Variants in TRMT11 observed in about 807,000 individuals in gnomAD.
TRMT11 encodes the protein tRNA (guanine(10)-N(2))-methyltransferase TRMT11.
Under a neutral mutation model 62.8 loss-of-function variants are expected in TRMT11, and 53 were observed. That is an observed-to-expected ratio of 0.84 (90% confidence interval 0.68 to 1.06). The LOEUF (loss-of-function observed/expected upper bound fraction) is 1.06. Ranked by LOEUF, TRMT11 falls within the 50% of genes least tolerant of loss-of-function variation. The pLI is 0.00. For missense variants in TRMT11, 556 were observed against 553.4 expected (o/e 1.00, Z -0.05); for synonymous variants, 188 against 190.3 (o/e 0.99, Z 0.10).
In TRMT11 at chr6:126,021,173, A is replaced by G; in HGVS notation, c.1153A>G (p.Met385Val). Residue 385 changes from methionine to valine, a missense_variant, in exon 12 of 13, where the codon ATG becomes GTG. Physicochemically the swap from Met to Val is conservative, Grantham distance 21. Coordinates refer to ENST00000334379, the MANE Select transcript of TRMT11 (RefSeq NM_001031712.3). ...PVYTPEYTEE[M>V]VPWHPCLELV... ...TTCTTTCTTCAGATACACTGAAGAG[A>G]TGGTGCCTTGGCACCCTTGCCTGGA... The G allele has an allele frequency of 6.2e-7, 1 of 1,614,126 alleles. No individual in the cohort carries two copies. Among genetic ancestry groups the G allele is most frequent in the South Asian group, 1.1e-5 (1 of 91,088 alleles).
intron 21 of TRMT11, among the ~76,000 whole-genome samples, chr6:126,151,834 C>CT (rs1281033187): frequency 8.3e-6 from 1 of 121,160 alleles, no homozygotes. Flanking sequence ...TTCTTTCTTT[C>CT]TTTCTTTCTT....
downstream of TRMT11, among the ~76,000 whole-genome samples, chr6:126,204,509 C>T (rs879783125): frequency 9.9e-5 from 15 of 152,182 alleles, no homozygotes; most frequent in Non-Finnish European, 2.2e-4. Context: ...CTGACAAGTC[C>T]GCTTAGCTCT....
chr6:126,270,674 A>C, the TRMT11 span, among the ~76,000 whole-genome samples: 4 of 152,184 alleles, frequency 2.6e-5, no homozygotes, highest in Non-Finnish European at 5.9e-5. Flanking sequence ...AAAGAATAAT[A>C]AAATACATTT....
chr6:126,151,524 C>A (rs1287800629), intron 21 of TRMT11, among the ~76,000 whole-genome samples: 1 of 152,126 alleles, frequency 6.6e-6, no homozygotes, highest in African/African-American at 2.4e-5. Context: ...TATAACCTTA[C>A]ACTTAGAGCT....
intron 17 of TRMT11, among the ~76,000 whole-genome samples, chr6:126,072,733 A>G (rs1334152817): frequency 2.0e-5 from 3 of 152,134 alleles, no homozygotes; most frequent in Admixed American, 1.3e-4. Context: ...TATGGTGACA[A>G]CCTTCTTCCT....
intron 21 of TRMT11, among the ~76,000 whole-genome samples, chr6:126,134,539 CA>C (rs1343720146): frequency 1.3e-5 from 2 of 151,770 alleles, no homozygotes; most frequent in African/African-American, 4.8e-5. Flanking sequence ...GATTACAATA[CA>C]ATAGAAGTAG....
chr6:126,017,861 C>T (rs1165422031), intron 11 of TRMT11, among the ~76,000 whole-genome samples: 1 of 152,212 alleles, frequency 6.6e-6, no homozygotes, highest in Non-Finnish European at 1.5e-5. Flanking sequence ...GTGTACAGGG[C>T]ATCAATCCAG....
intron 21 of TRMT11, among the ~76,000 whole-genome samples, chr6:126,151,863 T>TTTCTTTCTTTCTTTCTTTCC (rs1323998793): frequency 1.6e-5 from 2 of 126,328 alleles, no homozygotes; most frequent in African/African-American, 6.6e-5. Flanking sequence ...TCTTTCTTTC[T>TTTCTTTCTTTCTTTCTTTCC]TTCCTTCTTT....
At chr6:126,220,756 ATT>A in the TRMT11 span, among the ~76,000 whole-genome samples, 16 of 147,072 alleles carry the variant, frequency 1.1e-4, no homozygotes, top group African/African-American at 3.7e-4. Flanking sequence ...CTGGATGTCT[ATT>A]TTTTTTTTTC....
intron 21 of TRMT11, among the ~76,000 whole-genome samples, chr6:126,170,973 T>TA (rs1394237022): frequency 2.6e-5 from 4 of 152,158 alleles, no homozygotes; most frequent in Non-Finnish European, 4.4e-5. Context: ...GGGGATGGTA[T>TA]TTTTTACTGT....
At chr6:126,174,134 C>T (rs1198385582), upstream of TRMT11, among the ~76,000 whole-genome samples, 7 of 152,290 alleles carry the variant, frequency 4.6e-5, no homozygotes, top group Non-Finnish European at 7.4e-5. Context: ...GCCTCTCACT[C>T]CCCACTGTCG....
intron 17 of TRMT11, among the ~76,000 whole-genome samples, chr6:126,092,812 T>C (rs1460971603): frequency 6.6e-6 from 1 of 152,230 alleles, no homozygotes; most frequent in Non-Finnish European, 1.5e-5. Context: ...CAAAGATTAT[T>C]TGCTGGCTGA....
chr6:126,151,709 T>C, intron 21 of TRMT11, among the ~76,000 whole-genome samples: 1 of 151,204 alleles, frequency 6.6e-6, no homozygotes. Context: ...TCACCCCTTC[T>C]CTTTCCCTCC....
the TRMT11 span, among the ~76,000 whole-genome samples, chr6:126,253,926 T>C: frequency 1.0e-3 from 158 of 152,326 alleles, no homozygotes; most frequent in African/African-American, 3.7e-3. Flanking sequence ...CTTCATAGAC[T>C]GGTCAACTAT....
chr6:126,137,372 C>T lies in TRMT11; in HGVS notation c.*1823+21517C>T, dbSNP rs1372700527. On this transcript the variant is annotated intron_variant and NMD_transcript_variant, in intron 21 of 22. Transcript: ENST00000648977. ...TTAATAGACATTTCTCAAAAGTAGA[C>T]ATACAAATGGCCACAAATGCTCAAT... 6.6e-5 allele frequency among the ~76,000 whole-genome samples: 10 copies of T among 151,718 alleles called. No homozygotes were observed. In the East Asian group the frequency reaches 1.7e-3, roughly 26 times the overall value.
chr6:126,156,126 G>A (rs920580950), intron 21 of TRMT11, among the ~76,000 whole-genome samples: 2 of 152,170 alleles, frequency 1.3e-5, no homozygotes, highest in Non-Finnish European at 1.5e-5. Flanking sequence ...CCAAGTCCTT[G>A]GGCAGCTCTG....
chr6:126,217,837 G>A, the TRMT11 span, among the ~76,000 whole-genome samples: 156 of 152,102 alleles, frequency 1.0e-3, no homozygotes, highest in Non-Finnish European at 1.9e-3. Context: ...CTTTCAGGGC[G>A]GCAATTTTCC....
chr6:126,084,583 T>G (rs974304859), intron 17 of TRMT11, among the ~76,000 whole-genome samples: 2 of 152,206 alleles, frequency 1.3e-5, no homozygotes, highest in African/African-American at 4.8e-5. Flanking sequence ...GTCTCATTTA[T>G]GTATTTTGCT....
the TRMT11 span, among the ~76,000 whole-genome samples, chr6:126,242,735 A>G: frequency 1.3e-5 from 2 of 152,240 alleles, no homozygotes; most frequent in South Asian, 4.1e-4. Flanking sequence ...AGCCATATGT[A>G]GAAAGCTGAA....
Sources: allele counts gnomAD v4.1 joint callset (sites outside exome capture counted in the v4.1 genomes callset), GRCh38; gene constraint gnomAD v4.1.1; transcripts MANE v1.5; gene names NCBI Gene and HGNC (gene_info 2026-07-23, HGNC 2026-07-21).